The following MAP3K3 variants were observed in gnomAD, a reference collection of about 807,000 sequenced individuals.
The protein encoded by MAP3K3 is mitogen-activated protein kinase kinase kinase 3.
A neutral mutation model predicts 80.9 loss-of-function variants in MAP3K3; 12 were observed. The ratio of observed to expected loss-of-function variants is 0.15; its 90% CI spans 0.10 to 0.24. The LOEUF (loss-of-function observed/expected upper bound fraction) is 0.24. Among genes scored for constraint, MAP3K3 ranks in the 10% least tolerant of loss-of-function variants. MAP3K3 has a pLI of 1.00. For missense variants in MAP3K3, 596 were observed against 834.7 expected, an observed-to-expected ratio of 0.71 and a Z score of 3.52; for synonymous variants, 272 against 307.1, an observed-to-expected ratio of 0.89 and a Z score of 1.19.
At chr17:63,677,220 C>G (rs1311600806) in intron 6 of MAP3K3, among the ~76,000 whole-genome samples, 1 of 152,176 alleles carries the variant, frequency 6.6e-6, no homozygotes, top group Non-Finnish European at 1.5e-5. Context: ...AGTGGCAAAG[C>G]CTGATCTGAA....
chr17:63,628,121 G>A (rs2034141065), intron 1 of MAP3K3, among the ~76,000 whole-genome samples: 1 of 150,626 alleles, frequency 6.6e-6, no homozygotes, highest in South Asian at 2.1e-4. Context: ...GACCAGGCTG[G>A]TCTTGAACTC....
At chr17:63,627,165 T>C (rs2034119139) in intron 1 of MAP3K3, among the ~76,000 whole-genome samples, 1 of 152,194 alleles carries the variant, frequency 6.6e-6, no homozygotes, top group Non-Finnish European at 1.5e-5. Flanking sequence ...GAAGAAAAAC[T>C]ACATGCCACT....
At chr17:63,664,790 C>T (rs1346723016) in intron 5 of MAP3K3, among the ~76,000 whole-genome samples, 1 of 152,154 alleles carries the variant, frequency 6.6e-6, no homozygotes, top group Non-Finnish European at 1.5e-5. Context: ...CGACAGTCCC[C>T]TTATATTCTC....
At chr17:63,688,686 C>T in intron 9 of MAP3K3, 92 bp downstream of exon 9, 1 of 1,429,416 alleles carries the variant, frequency 7.0e-7, no homozygotes, top group South Asian at 1.1e-5. Flanking sequence ...AGTAGCTCTC[C>T]TTGGGCTTGC....
intron 1 of MAP3K3, among the ~76,000 whole-genome samples, chr17:63,625,629 A>G (rs16947005): frequency 0.29 from 43,543 of 152,052 alleles, 6,632 homozygotes; most frequent in African/African-American, 0.37. Flanking sequence ...AATAGTCTCA[A>G]TTCAGTTTGG....
At chr17:63,653,776 T>C (rs900705362) in intron 4 of MAP3K3, among the ~76,000 whole-genome samples, 1 of 152,224 alleles carries the variant, frequency 6.6e-6, no homozygotes, top group Non-Finnish European at 1.5e-5. Flanking sequence ...TTTATTGAGA[T>C]TAAAAAATTT....
intron 6 of MAP3K3, among the ~76,000 whole-genome samples, chr17:63,671,351 G>A (rs2035105049): frequency 6.6e-6 from 1 of 151,784 alleles, no homozygotes; most frequent in African/African-American, 2.4e-5. Context: ...CGCCTCCCGG[G>A]TTCAAACGAT....
At chr17:63,623,186 T>A (rs2034029473) in intron 1 of MAP3K3, among the ~76,000 whole-genome samples, 1 of 152,064 alleles carries the variant, frequency 6.6e-6, no homozygotes. Flanking sequence ...GATTTGCTTT[T>A]TTTTCCTGCC....
At chr17:63,668,696 T>A (rs983040636) in intron 6 of MAP3K3, among the ~76,000 whole-genome samples, 6 of 152,188 alleles carry the variant, frequency 3.9e-5, no homozygotes, top group African/African-American at 1.4e-4. Context: ...GGGAGCTATA[T>A]ATGGAAATGA....
chr17:63,623,371 G>T (rs1399893473), intron 1 of MAP3K3, among the ~76,000 whole-genome samples: 2 of 152,222 alleles, frequency 1.3e-5, no homozygotes, highest in African/African-American at 4.8e-5. Flanking sequence ...GCTGCACGCA[G>T]ATTGCTGGGG....
rs186230138 is a variant in MAP3K3 at position 63,692,499 on chromosome 17, T to C, written c.1652+80T>C. 1.4e-6 allele frequency: 2 copies of C among 1,441,380 alleles called. No homozygotes were observed. Among genetic ancestry groups the C allele is most frequent in the Non-Finnish European group, 1.9e-6 (2 of 1,077,442 alleles). The allele number at this position is 1,441,380 out of a possible 1,614,324, so 89.3% of individuals were successfully genotyped here. Reference sequence around the variant, plus strand: ...CATTAGAAACACACCCTGGGGACTTTGTGGTGTGGCAGGAGGGAGTGTGCC... The same window carrying C: ...CATTAGAAACACACCCTGGGGACTTCGTGGTGTGGCAGGAGGGAGTGTGCC... On this transcript the variant is annotated intron_variant, in intron 15 of 15. Coordinates refer to ENST00000361733, the MANE Select transcript of MAP3K3 (RefSeq NM_002401.5). The surrounding 1 kb of genome is among the most constrained non-coding windows in gnomAD (Gnocchi z 4.5).
rs3785574 is a variant in MAP3K3 at position 63,685,825 on chromosome 17, T to C, written c.710+235T>C. On this transcript the variant is annotated intron_variant, in intron 8 of 15. Coordinates refer to ENST00000361733, the MANE Select transcript of MAP3K3 (RefSeq NM_002401.5). Reference sequence around the variant, plus strand: ...TAAGTACTTGCTTTGTTGTTCTAAGTGCTTTACATGTTTTGACTTTCCATA... The same window carrying C: ...TAAGTACTTGCTTTGTTGTTCTAAGCGCTTTACATGTTTTGACTTTCCATA... Among the ~76,000 whole-genome samples, 41,544 of 152,194 alleles carry C rather than the reference T, an allele frequency of 0.27. 7,227 individuals carry two copies. The highest frequency in any genetic ancestry group is 0.55 in the South Asian group (2,669 of 4,824).
rs956760783 is a variant in MAP3K3, at chr17:63,668,685, C to T, written c.502+1625C>T. ...CCACTGGACCCTTTCTCCATGTTAC[C>T]GGGAGCTATATATGGAAATGATTTT... On this transcript the variant is annotated intron_variant, in intron 6 of 15. Coordinates refer to ENST00000361733, the MANE Select transcript of MAP3K3 (RefSeq NM_002401.5). Among the ~76,000 whole-genome samples the T allele has an allele frequency of 5.9e-5, 9 of 152,194 alleles. No individual in the cohort carries two copies. In the East Asian group the frequency reaches 1.7e-3, roughly 29 times the overall value.
intron 8 of MAP3K3, among the ~76,000 whole-genome samples, chr17:63,687,173 C>T (rs1467757665): frequency 4.0e-5 from 6 of 150,044 alleles, no homozygotes; most frequent in South Asian, 2.1e-4. Flanking sequence ...TGAGACCAGC[C>T]TGACCAGCAT....
intron 5 of MAP3K3, among the ~76,000 whole-genome samples, 173 bp downstream of exon 5, chr17:63,658,080 C>G (rs1163278010): frequency 6.6e-6 from 1 of 152,164 alleles, no homozygotes; most frequent in Non-Finnish European, 1.5e-5. Context: ...TTTGATTTCA[C>G]CGAAAAGCCA....
At chr17:63,663,124 T>A (rs952130920) in intron 5 of MAP3K3, among the ~76,000 whole-genome samples, 11 of 152,196 alleles carry the variant, frequency 7.2e-5, no homozygotes, top group Non-Finnish European at 1.3e-4. Context: ...TCCCTGCAGC[T>A]TTGAAGACAA....
In MAP3K3 at chr17:63,632,778, A is replaced by T; in HGVS notation, c.102A>T (p.Lys34Asn). 6.2e-7 allele frequency: 1 copy of T among 1,614,158 alleles called. No homozygotes were observed. The change falls in exon 2 of 16, where the codon AAA (lysine) becomes AAT (asparagine). Residue 34 changes from lysine (K) to asparagine (N), a missense_variant. Lys to Asn is a moderately conservative substitution (Grantham distance 94). Transcript: ENST00000361733. Reference protein sequence around the residue: ...RMPGYETMKNKDTGHSNRQSD... With the variant: ...RMPGYETMKNNDTGHSNRQSD... ...CTGGATATGAGACCATGAAGAACAAAGACACAGGTCACTCAAATAGGCAGG... is the reference window on the plus strand; with the variant it reads ...CTGGATATGAGACCATGAAGAACAATGACACAGGTCACTCAAATAGGCAGG...
At chr17:63,629,129 TG>T (rs1387358110) in intron 1 of MAP3K3, among the ~76,000 whole-genome samples, 1 of 151,956 alleles carries the variant, frequency 6.6e-6, no homozygotes, top group East Asian at 1.9e-4. Flanking sequence ...TGTTATTTGT[TG>T]TTTTTTTTTT....
At chr17:63,688,724 A>T (rs1298839957) in intron 9 of MAP3K3, 65 bp from the exon 10 acceptor site, 1 of 1,408,828 alleles carries the variant, frequency 7.1e-7, no homozygotes, top group East Asian at 2.3e-5. Flanking sequence ...TGCCTTGGGG[A>T]CTTGGGGGCT....
Sources: gnomAD v4.1 joint callset for allele counts (sites outside exome capture counted in the v4.1 genomes callset) on GRCh38, gnomAD v4.1.1 for gene constraint, Gnocchi (gnomAD v3.1) non-coding constraint, MANE v1.5 for transcripts, NCBI Gene and HGNC (gene_info 2026-07-23, HGNC 2026-07-21) for gene names.